XRCC4: variants seen among roughly 807,000 people sequenced by gnomAD.
The protein encoded by XRCC4 is DNA repair protein XRCC4.
In XRCC4, 28 loss-of-function variants were observed where a neutral mutation model predicts 39.1. The ratio of observed to expected loss-of-function variants is 0.72; its 90% CI spans 0.53 to 0.98. The LOEUF is 0.98. Ranked by LOEUF, XRCC4 falls within the 50% of genes least tolerant of loss-of-function variation. The pLI is 0.00. For synonymous variants in XRCC4, 123 were observed against 126.4 expected, an observed-to-expected ratio of 0.97 and a Z score of 0.18; for missense variants, 350 against 376.4, an observed-to-expected ratio of 0.93 and a Z score of 0.58.
intron 3 of XRCC4, among the ~76,000 whole-genome samples, chr5:83,185,214 A>T (rs1750382202): frequency 6.6e-6 from 1 of 152,030 alleles, no homozygotes; most frequent in South Asian, 2.1e-4. Context: ...TAACCAAAGG[A>T]CATAACTATG....
At chr5:83,220,291 G>T (rs1289115476) in intron 6 of XRCC4, among the ~76,000 whole-genome samples, 1 of 152,128 alleles carries the variant, frequency 6.6e-6, no homozygotes, top group Non-Finnish European at 1.5e-5. Context: ...AAGGTGATGT[G>T]AATGCAGCAA....
Position 83,289,611 on chromosome 5 carries a change from G to C in XRCC4, c.893+30934G>C, listed in dbSNP as rs760055284. 5.3e-5 allele frequency among the ~76,000 whole-genome samples: 8 copies of C among 151,984 alleles called. No individual in the cohort carries two copies. In the South Asian group the frequency reaches 1.7e-3, roughly 32 times the overall value. ...AGTCCTGTTGGTGTGGTGGTATGAT[G>C]TGGGAGAAAAGCATTCTTGATTTTT... On this transcript the variant is annotated intron_variant, in intron 7 of 7. Transcript: ENST00000396027.
the XRCC4 span, among the ~76,000 whole-genome samples, chr5:83,371,003 C>G: frequency 6.6e-6 from 1 of 152,286 alleles, no homozygotes; most frequent in Admixed American, 6.5e-5. Flanking sequence ...CAAGGCCTGT[C>G]AGCATATGGT....
In XRCC4 at chr5:83,267,888, AG is replaced by A. The variant is rs1484186657; in HGVS notation, c.893+9213del. ...TTGAGGACAAATGCCTGTATCATTG[AG>A]GTGCTTAGAAATATGAATAAAGCTG... On this transcript the variant is annotated intron_variant, in intron 7 of 7. Coordinates refer to ENST00000396027, the MANE Select transcript of XRCC4 (RefSeq NM_003401.5). Among the ~76,000 whole-genome samples, 4 of 152,194 alleles carry A rather than the reference AG, an allele frequency of 2.6e-5. No individual in the cohort carries two copies. The East Asian group carries it at 7.7e-4, about 29-fold the overall frequency.
At chr5:83,185,213 G>C (rs1750382040) in intron 3 of XRCC4, among the ~76,000 whole-genome samples, 1 of 151,730 alleles carries the variant, frequency 6.6e-6, no homozygotes, top group Non-Finnish European at 1.5e-5. Context: ...ATAACCAAAG[G>C]ACATAACTAT....
chr5:83,227,935 A>G (rs1752351685), intron 6 of XRCC4, among the ~76,000 whole-genome samples: 1 of 152,074 alleles, frequency 6.6e-6, no homozygotes, highest in African/African-American at 2.4e-5. Flanking sequence ...GCGTACCTTC[A>G]GTGACTTCCT....
intron 3 of XRCC4, among the ~76,000 whole-genome samples, chr5:83,132,514 A>G (rs1747649794): frequency 6.6e-6 from 1 of 151,814 alleles, no homozygotes; most frequent in Non-Finnish European, 1.5e-5. Flanking sequence ...ATTTTCAGGT[A>G]CACCAATCAG....
chr5:83,205,772 G>A (rs1046739512), intron 6 of XRCC4, among the ~76,000 whole-genome samples: 1 of 152,082 alleles, frequency 6.6e-6, no homozygotes, highest in African/African-American at 2.4e-5. Context: ...AAGTGCTAAA[G>A]AGAAAAATAA....
chr5:83,195,941 G>C lies in XRCC4; in HGVS notation c.482+5G>C. 1 of 1,576,482 alleles carries C rather than the reference G, an allele frequency of 6.3e-7. No individual in the cohort carries two copies. Among genetic ancestry groups the C allele is most frequent in the Non-Finnish European group, 8.6e-7 (1 of 1,161,322 alleles). ...TTGGAATGATGTTCAAGGACGGTGT[G>C]TACACAGTTTGCTTGTGGTATAAAA... On this transcript the variant is annotated splice_donor_5th_base_variant and intron_variant, in intron 4 of 7. Transcript: ENST00000396027.
chr5:83,097,466 T>G (rs1745731241), intron 1 of XRCC4, among the ~76,000 whole-genome samples: 1 of 151,394 alleles, frequency 6.6e-6, no homozygotes, highest in Non-Finnish European at 1.5e-5. Context: ...GGTTTGTGAG[T>G]GGGGGGAAAA....
chr5:83,135,590 C>T (rs146396891), intron 3 of XRCC4, among the ~76,000 whole-genome samples: 145 of 152,130 alleles, frequency 9.5e-4, no homozygotes, highest in African/African-American at 3.4e-3. Flanking sequence ...ATTTATCACA[C>T]AGCCCACTGA....
chr5:83,313,067 C>A (rs1755758547), intron 7 of XRCC4, among the ~76,000 whole-genome samples: 1 of 122,256 alleles, frequency 8.2e-6, no homozygotes, highest in Non-Finnish European at 1.8e-5. Context: ...TCTCTTTTTT[C>A]TTTTCTTTTC....
At chr5:83,168,945 C>G (rs1381866353) in intron 3 of XRCC4, among the ~76,000 whole-genome samples, 1 of 151,856 alleles carries the variant, frequency 6.6e-6, no homozygotes, top group Admixed American at 6.6e-5. Flanking sequence ...AAAGAGAATC[C>G]CCGGAATGAT....
intron 3 of XRCC4, among the ~76,000 whole-genome samples, chr5:83,171,163 A>G (rs1286017136): frequency 1.3e-5 from 2 of 152,080 alleles, no homozygotes; most frequent in Admixed American, 6.6e-5. Context: ...ACTTACATGA[A>G]TGCCTAGTCC....
At chr5:83,257,062 C>T (rs564712411) in intron 6 of XRCC4, among the ~76,000 whole-genome samples, 1 of 152,106 alleles carries the variant, frequency 6.6e-6, no homozygotes, top group East Asian at 1.9e-4. Flanking sequence ...GTAGAGTGTT[C>T]AACAGTGTCC....
At chr5:83,103,852 C>T (rs923867661) in intron 1 of XRCC4, among the ~76,000 whole-genome samples, 3 of 152,102 alleles carry the variant, frequency 2.0e-5, no homozygotes, top group African/African-American at 4.8e-5. Context: ...ATATTCAAAG[C>T]CCTCATCTCT....
At chr5:83,086,537 A>G (rs939106281) in intron 1 of XRCC4, among the ~76,000 whole-genome samples, 5 of 152,276 alleles carry the variant, frequency 3.3e-5, no homozygotes, top group Admixed American at 6.5e-5. Flanking sequence ...TCTTGTCTTC[A>G]TGTTGAGCTG....
chr5:83,311,077 G>A (rs185641279), intron 7 of XRCC4: 19 of 221,602 alleles, frequency 8.6e-5, no homozygotes, highest in Non-Finnish European at 1.1e-4. Flanking sequence ...CATCAAGTTT[G>A]TGGTAGTTTG....
chr5:83,196,073 C>T lies in XRCC4; in HGVS notation c.482+137C>T, dbSNP rs28360139. 66 of 814,404 alleles carry T rather than the reference C, an allele frequency of 8.1e-5. No individual in the cohort carries two copies. In the East Asian group the frequency reaches 1.2e-3, roughly 14 times the overall value. 50.4% of individuals were successfully genotyped at this position (814,404 alleles called of 1,614,324 possible). ...TTTACCTTAACTGAATATGATTAAA[C>T]GAAATTATTCATCACTATTGTATAT... On this transcript the variant is annotated intron_variant, in intron 4 of 7. Coordinates refer to ENST00000396027, the MANE Select transcript of XRCC4 (RefSeq NM_003401.5).
Sources: gnomAD v4.1 joint callset for allele counts (sites outside exome capture counted in the v4.1 genomes callset) on GRCh38, gnomAD v4.1.1 for gene constraint, MANE v1.5 for transcripts, NCBI Gene and HGNC (gene_info 2026-07-23, HGNC 2026-07-21) for gene names.